CHD1: variants seen among roughly 807,000 people sequenced by gnomAD.
CHD1 encodes chromodomain helicase DNA binding protein 1.
A neutral mutation model predicts 224.2 loss-of-function variants in CHD1; 36 were observed. That is an observed-to-expected ratio of 0.16 (90% CI 0.12 to 0.21). CHD1 has a LOEUF of 0.21. Ranked by LOEUF, CHD1 falls within the 10% of genes least tolerant of loss-of-function variation. CHD1 has a pLI of 1.00. For missense variants in CHD1, 1,378 were observed against 1,994.8 expected (o/e 0.69, Z 5.89); for synonymous variants, 668 against 658.3 (o/e 1.01, Z -0.23).
intron 2 of CHD1, among the ~76,000 whole-genome samples, chr5:98,908,018 A>C (rs1179784432): frequency 6.6e-6 from 1 of 152,176 alleles, no homozygotes; most frequent in Non-Finnish European, 1.5e-5. Context: ...ACTGCTGCAA[A>C]TGCTCTTTCT....
chr5:98,923,969 T>C (rs73153600), intron 2 of CHD1, among the ~76,000 whole-genome samples: 4 of 152,062 alleles, frequency 2.6e-5, no homozygotes, highest in South Asian at 2.1e-4. Context: ...AATAAGAAAA[T>C]GTGAGGCCGG....
intron 2 of CHD1, among the ~76,000 whole-genome samples, chr5:98,921,930 T>G (rs1753122485): frequency 6.6e-6 from 1 of 152,070 alleles, no homozygotes; most frequent in Admixed American, 6.5e-5. Flanking sequence ...GGTGGGTGGA[T>G]CACAAGGTCA....
chr5:98,870,620 G>A, intron 29 of CHD1, 67 bp downstream of exon 29: 2 of 789,282 alleles, frequency 2.5e-6, no homozygotes, highest in Non-Finnish European at 2.1e-6. Flanking sequence ...TGTTTAGCAT[G>A]GTGAAGTAAA....
rs760783388 is a variant in CHD1, at chr5:98,870,812, G to C, written c.3862-9C>G. ...GGATCATCTGGAAGAATCTGAAAAAGCAATAAATTTTTTCAGATTGTCTTA... is the reference window on the plus strand; with the variant it reads ...GGATCATCTGGAAGAATCTGAAAAACCAATAAATTTTTTCAGATTGTCTTA... On this transcript the variant is annotated splice_polypyrimidine_tract_variant and intron_variant, in intron 28 of 35. Coordinates refer to ENST00000614616, the MANE Select transcript of CHD1 (RefSeq NM_001270.4). The C allele has an allele frequency of 6.4e-7, 1 of 1,573,362 alleles. No homozygotes were observed. Among genetic ancestry groups the C allele is most frequent in the African/African-American group, 1.4e-5 (1 of 73,510 alleles).
chr5:98,920,190 T>C (rs1752999326), intron 2 of CHD1, among the ~76,000 whole-genome samples: 1 of 152,146 alleles, frequency 6.6e-6, no homozygotes, highest in Non-Finnish European at 1.5e-5. Flanking sequence ...ATAAACGATT[T>C]AGAAATTTCC....
chr5:98,928,590 G>A lies in CHD1; in HGVS notation c.-200C>T, dbSNP rs958949400. ...CCGACTCGGGTGGACGGCCTCCCCC[G>A]CGCCCAGGCCCGGGATCTCCGCCGC... On this transcript the variant is annotated 5_prime_UTR_variant, in exon 1 of 36. Coordinates refer to ENST00000614616, the MANE Select transcript of CHD1 (RefSeq NM_001270.4). The A allele has an allele frequency of 3.9e-5, 6 of 151,948 alleles. No homozygotes were observed. Among genetic ancestry groups the A allele is most frequent in the African/African-American group, 1.5e-4 (6 of 41,322 alleles). 9.4% of individuals were successfully genotyped at this position (151,948 alleles called of 1,614,324 possible). A position where few individuals can be genotyped will look rare whatever the true frequency, so the allele number is the denominator to read the frequency against.
intron 2 of CHD1, among the ~76,000 whole-genome samples, chr5:98,905,644 A>G (rs1295367241): frequency 6.6e-6 from 1 of 152,218 alleles, no homozygotes; most frequent in Non-Finnish European, 1.5e-5. Context: ...GATAAAATAT[A>G]ATTTATTTTA....
chr5:98,869,003 G>T, intron 30 of CHD1: 2 of 835,580 alleles, frequency 2.4e-6, no homozygotes, highest in African/African-American at 1.9e-5. Flanking sequence ...TTTTTATTAT[G>T]ATTTGCATAC....
Position 98,854,801 on chromosome 5 carries a change from C to T in CHD1, c.*1579G>A, listed in dbSNP as rs986739773. The T allele has an allele frequency of 1.3e-5, 2 of 152,126 alleles. No homozygotes were observed. Among genetic ancestry groups the T allele is most frequent in the East Asian group, 3.8e-4 (2 of 5,200 alleles). 9.4% of individuals were successfully genotyped at this position (152,126 alleles called of 1,614,324 possible). On this transcript the variant is annotated 3_prime_UTR_variant, in exon 36 of 36. Coordinates refer to ENST00000614616, the MANE Select transcript of CHD1 (RefSeq NM_001270.4). ...ATTAACAGTGACACACATAGCAATA[C>T]TATAGAAATTATGTCCACATACTTA...
At chr5:98,926,271 A>G in intron 2 of CHD1, 63 bp downstream of exon 2, 3 of 1,013,064 alleles carry the variant, frequency 3.0e-6, no homozygotes, top group Non-Finnish European at 4.4e-6. Context: ...ATAACAATAA[A>G]GAAAAAAGTC....
intron 18 of CHD1, among the ~76,000 whole-genome samples, chr5:98,885,068 TC>T (rs1360037897): frequency 1.3e-5 from 2 of 152,074 alleles, no homozygotes; most frequent in African/African-American, 4.8e-5. Flanking sequence ...AAATAACTGT[TC>T]CATGCTGAAA....
chr5:98,891,268 G>T (rs1169450468), intron 15 of CHD1, among the ~76,000 whole-genome samples: 1 of 151,990 alleles, frequency 6.6e-6, no homozygotes, highest in Non-Finnish European at 1.5e-5. Flanking sequence ...TAGAGACAGG[G>T]TTTTGCCATG....
intron 2 of CHD1, among the ~76,000 whole-genome samples, chr5:98,914,391 C>T (rs1243705279): frequency 2.6e-5 from 4 of 152,106 alleles, no homozygotes; most frequent in Non-Finnish European, 4.4e-5. Flanking sequence ...ACACACTGTA[C>T]TAACATTTGT....
chr5:98,889,223 C>T lies in CHD1; in HGVS notation c.2196G>A (p.Arg732=), dbSNP rs1472012951. The change falls in exon 16 of 36, where the codon AGG becomes AGA. Residue 732 remains arginine (R), a synonymous_variant. Transcript: ENST00000614616. ...QKQYYKWILT[R]NYKALSKGSK... ...AACCTTTGCTGAGGGCTTTGTAATT[C>T]CTAGTTAAAATCCATCTTAAAAAAA... 1.9e-6 allele frequency: 3 copies of T among 1,573,292 alleles called. No homozygotes were observed. The highest frequency in any genetic ancestry group is 2.2e-5 in the East Asian group (1 of 44,576).
Position 98,899,554 on chromosome 5 carries a change from G to A in CHD1, c.1011C>T (p.Thr337=). The A allele has an allele frequency of 1.2e-6, 2 of 1,613,338 alleles. No individual in the cohort carries two copies. The highest frequency in any genetic ancestry group is 4.5e-5 in the East Asian group (2 of 44,842). Reference sequence around the variant, plus strand: ...TTCCTCTAACATTCTGCTGCTTGAGGGTTTCTTCTGTCTCCCAAGTGTTGT... The same window carrying A: ...TTCCTCTAACATTCTGCTGCTTGAGAGTTTCTTCTGTCTCCCAAGTGTTGT... The part of the protein sequence containing the change: ...HIHNTWETEE[T]LKQQNVRGMK... The change falls in exon 8 of 36, where the codon ACC becomes ACT. Residue 337 remains threonine (T), a synonymous_variant. Transcript: ENST00000614616.
In CHD1 at chr5:98,856,417, C is replaced by G; in HGVS notation, c.5096G>C (p.Ser1699Thr). 6.2e-7 allele frequency: 1 copy of G among 1,613,430 alleles called. No homozygotes were observed. The highest frequency in any genetic ancestry group is 2.2e-5 in the East Asian group (1 of 44,874). Residue 1699 changes from serine (S) to threonine (T), a missense_variant, in exon 36 of 36, where the codon AGT becomes ACT. Physicochemically the swap from Ser to Thr is moderately conservative, Grantham distance 58 (BLOSUM62 1). Around this residue, in one of 16 missense-constraint regions of CHD1, gnomAD observed 278 missense variants for 298.5 expected, o/e 0.93. Transcript: ENST00000614616. Reference sequence around the variant, plus strand: ...ACTACTCCAGGTATGCTCCGGTGTACTTTTGTGTTCAACTGAATGTTCAAA... The same window carrying G: ...ACTACTCCAGGTATGCTCCGGTGTAGTTTTGTGTTCAACTGAATGTTCAAA... ...SPFEHSVEHK[S>T]TPEHTWSSRK...
At chr5:98,927,485 G>A (rs1753549846) in intron 1 of CHD1, among the ~76,000 whole-genome samples, 1 of 152,110 alleles carries the variant, frequency 6.6e-6, no homozygotes, top group South Asian at 2.1e-4. Flanking sequence ...AGAGAGGGAG[G>A]GAAACAGATT....
In CHD1 at chr5:98,859,978, C is replaced by T; in HGVS notation, c.4518G>A (p.Glu1506=). Residue 1506 remains glutamate, a synonymous_variant, in exon 33 of 36, where the codon GAG becomes GAA. Transcript: ENST00000614616. Reference sequence around the variant, plus strand: ...AATATGATGTCAAGTTTACCTGAGACTCCTGCCGTTTTTTAATAGCATGCT... The same window carrying T: ...AATATGATGTCAAGTTTACCTGAGATTCCTGCCGTTTTTTAATAGCATGCT... The part of the protein sequence containing the change: ...LYKHAIKKRQ[E]SQQNSDQNSN... 6.7e-7 allele frequency: 1 copy of T among 1,495,506 alleles called. No individual in the cohort carries two copies. The highest frequency in any genetic ancestry group is 9.0e-7 in the Non-Finnish European group (1 of 1,107,338). 92.6% of individuals were successfully genotyped at this position (1,495,506 alleles called of 1,614,324 possible).
chr5:98,879,215 T>C (rs1412795098), intron 23 of CHD1, among the ~76,000 whole-genome samples: 2 of 151,782 alleles, frequency 1.3e-5, no homozygotes, highest in Non-Finnish European at 2.9e-5. Flanking sequence ...GCCTTGGCAA[T>C]AGAGCAAGAT....
Sources: allele counts gnomAD v4.1 joint callset (sites outside exome capture counted in the v4.1 genomes callset), GRCh38; gene constraint gnomAD v4.1.1; regional missense constraint gnomAD v4.1.1; transcripts MANE v1.5; gene names NCBI Gene and HGNC (gene_info 2026-07-23, HGNC 2026-07-21).